The following MAGI2 variants were observed in gnomAD, a reference collection of about 807,000 sequenced individuals.
MAGI2 encodes the protein membrane associated guanylate kinase, WW and PDZ domain containing 2, also known as membrane-associated guanylate kinase, WW and PDZ domain-containing protein 2.
MAGI2 carries 35 observed loss-of-function variants against 133.3 expected under a neutral mutation model. The ratio of observed to expected loss-of-function variants is 0.26; its 90% confidence interval spans 0.20 to 0.35. MAGI2 has a LOEUF of 0.35. Ranked by LOEUF, MAGI2 falls within the 10% of genes least tolerant of loss-of-function variation. MAGI2 has a pLI of 1.00. For synonymous variants in MAGI2, 729 were observed against 710.6 expected, an observed-to-expected ratio of 1.03 and a Z score of -0.41; for missense variants, 1,636 against 1,863.4, an observed-to-expected ratio of 0.88 and a Z score of 2.25.
At chr7:78,137,457 TA>T (rs1822273541) in intron 16 of MAGI2, among the ~76,000 whole-genome samples, 1 of 152,234 alleles carries the variant, frequency 6.6e-6, no homozygotes, top group Non-Finnish European at 1.5e-5. Context: ...TTATTACTAT[TA>T]TCTTTTAAAT....
At chr7:79,362,981 A>G (rs933923288) in intron 1 of MAGI2, among the ~76,000 whole-genome samples, 4 of 151,810 alleles carry the variant, frequency 2.6e-5, no homozygotes, top group Non-Finnish European at 5.9e-5. Flanking sequence ...AACAAAAGGC[A>G]TAGAGATTAG....
chr7:78,379,924 T>C (rs1029820), intron 6 of MAGI2, among the ~76,000 whole-genome samples: 125,020 of 151,964 alleles, frequency 0.82, 51,521 homozygotes, highest in Admixed American at 0.86. Flanking sequence ...AAATTAAGAA[T>C]TTGAAATAAC....
At chr7:78,225,769 C>T (rs1045456566) in intron 10 of MAGI2, among the ~76,000 whole-genome samples, 2 of 152,206 alleles carry the variant, frequency 1.3e-5, no homozygotes, top group African/African-American at 2.4e-5. Flanking sequence ...CAGCATTCTG[C>T]GCATGGGCTT....
intron 2 of MAGI2, among the ~76,000 whole-genome samples, chr7:78,834,037 T>C (rs1392980647): frequency 6.6e-6 from 1 of 152,206 alleles, no homozygotes; most frequent in Non-Finnish European, 1.5e-5. Context: ...CTCACTCTTT[T>C]GCCCAAGCTA....
At chr7:79,336,715 C>T (rs1840462157) in intron 1 of MAGI2, among the ~76,000 whole-genome samples, 1 of 151,786 alleles carries the variant, frequency 6.6e-6, no homozygotes, top group African/African-American at 2.4e-5. Context: ...TTTTTCTTTC[C>T]ATGTCTGGCT....
chr7:78,486,594 C>A, intron 6 of MAGI2: 1 of 287,940 alleles, frequency 3.5e-6, no homozygotes, highest in South Asian at 4.8e-5. Flanking sequence ...AATGCAGGAC[C>A]CCGAGATTGG....
chr7:79,110,244 T>C (rs1221249811), intron 1 of MAGI2, among the ~76,000 whole-genome samples: 3 of 152,052 alleles, frequency 2.0e-5, no homozygotes, highest in African/African-American at 4.8e-5. Context: ...AAGGAAAATA[T>C]GAGGTTGGAG....
At chr7:78,475,133 G>A (rs1791611191) in intron 6 of MAGI2, among the ~76,000 whole-genome samples, 1 of 151,940 alleles carries the variant, frequency 6.6e-6, no homozygotes, top group African/African-American at 2.4e-5. Context: ...GAAGATCCAT[G>A]AATGCTACTA....
intron 20 of MAGI2, among the ~76,000 whole-genome samples, chr7:78,109,368 C>T (rs1363596617): frequency 8.0e-6 from 1 of 124,476 alleles, no homozygotes; most frequent in African/African-American, 2.9e-5. Flanking sequence ...TCCTGTGGCT[C>T]ACGCCTGTAA....
At position 78,987,835 on chromosome 7, in the gene MAGI2, C is replaced by T. The variant is rs191191893; in HGVS notation, c.418+19255G>A. 6.7e-5 allele frequency among the ~76,000 whole-genome samples: 10 copies of T among 150,306 alleles called. No homozygotes were observed. The East Asian group carries it at 1.7e-3, about 26-fold the overall frequency. ...ATATTAAATATTTTACGTTTTTATA[C>T]ACACACACACACAGGCACACACACA... On this transcript the variant is annotated intron_variant, in intron 2 of 21. Transcript: ENST00000354212.
At chr7:78,743,378 G>A (rs527988189) in intron 2 of MAGI2, among the ~76,000 whole-genome samples, 4 of 152,218 alleles carry the variant, frequency 2.6e-5, no homozygotes, top group Admixed American at 6.5e-5. Flanking sequence ...ACAATGAATC[G>A]TACAATAAAA....
rs1261290539 is a variant in MAGI2 at position 79,007,718 on chromosome 7, G to A, written c.302-512C>T. On this transcript the variant is annotated intron_variant, in intron 1 of 21. Transcript: ENST00000354212. ...CTTAGAAGTCTGAAAAGATTTTTAA[G>A]TTATTGAAAGTTGCTCTAGATTTAG... is the stretch of plus-strand genomic sequence containing the variant. 2.0e-5 allele frequency among the ~76,000 whole-genome samples: 3 copies of A among 152,108 alleles called. No individual in the cohort carries two copies. The East Asian group carries it at 5.8e-4, about 29-fold the overall frequency.
chr7:79,053,042 G>A (rs28490946), intron 1 of MAGI2, among the ~76,000 whole-genome samples: 1,894 of 152,022 alleles, frequency 0.012, 29 homozygotes, highest in African/African-American at 0.042. Flanking sequence ...GTGCGATCTC[G>A]GCTCACTGCA....
intron 11 of MAGI2, among the ~76,000 whole-genome samples, chr7:78,197,379 C>T (rs187221502): frequency 1.3e-5 from 2 of 152,310 alleles, no homozygotes; most frequent in African/African-American, 2.4e-5. Context: ...CTGTAGTACT[C>T]TCCCACTTGT....
intron 1 of MAGI2, among the ~76,000 whole-genome samples, chr7:79,166,772 C>T (rs1461645116): frequency 6.6e-6 from 1 of 151,828 alleles, no homozygotes; most frequent in Non-Finnish European, 1.5e-5. Flanking sequence ...ATCAGTAAGA[C>T]TAATTTTTTT....
intron 2 of MAGI2, among the ~76,000 whole-genome samples, chr7:78,765,877 G>C (rs1437539275): frequency 7.2e-5 from 11 of 152,160 alleles, no homozygotes; most frequent in Non-Finnish European, 1.0e-4. Flanking sequence ...TTTATAGAGA[G>C]AGCCAATTAA....
At chr7:78,584,867 C>T (rs527372391) in intron 3 of MAGI2, among the ~76,000 whole-genome samples, 5 of 152,270 alleles carry the variant, frequency 3.3e-5, no homozygotes, top group Admixed American at 2.6e-4. Context: ...TACTTAGCCA[C>T]TCAATTTCCT....
intron 3 of MAGI2, among the ~76,000 whole-genome samples, chr7:78,584,133 A>G (rs905364252): frequency 6.6e-6 from 1 of 152,180 alleles, no homozygotes; most frequent in African/African-American, 2.4e-5. Context: ...TTAAGAAAGG[A>G]CACTGGGGCC....
chr7:78,573,201 T>A (rs1801756176), intron 3 of MAGI2, among the ~76,000 whole-genome samples: 1 of 87,738 alleles, frequency 1.1e-5, no homozygotes, highest in Non-Finnish European at 2.1e-5. Context: ...TATATATATA[T>A]ATAAATATAT....
Sources: gnomAD v4.1 joint callset for allele counts (sites outside exome capture counted in the v4.1 genomes callset) on GRCh38, gnomAD v4.1.1 for gene constraint, MANE v1.5 for transcripts, NCBI Gene and HGNC (gene_info 2026-07-23, HGNC 2026-07-21) for gene names.